KCNG3: variants seen among roughly 807,000 people sequenced by gnomAD.
The protein encoded by KCNG3 is voltage-gated potassium channel regulatory subunit KCNG3.
In KCNG3, 15 loss-of-function variants were observed where a neutral mutation model predicts 29.0. The ratio of observed to expected loss-of-function variants is 0.52; its 90% confidence interval spans 0.35 to 0.80. The LOEUF is 0.80. KCNG3 is among the 30% of genes least tolerant of loss of function. The pLI is 0.01. For missense variants in KCNG3, 512 were observed against 605.7 expected (o/e 0.85, Z 1.62); for synonymous variants, 322 against 248.9 (o/e 1.29, Z -2.76).
In KCNG3 at chr2:42,493,077, G is replaced by A. The variant is rs777535991; in HGVS notation, c.425C>T (p.Pro142Leu). 2 of 1,552,524 alleles carry A rather than the reference G, an allele frequency of 1.3e-6. No individual in the cohort carries two copies. The highest frequency in any genetic ancestry group is 1.7e-6 in the Non-Finnish European group (2 of 1,153,638). Residue 142 changes from proline (P) to leucine (L), a missense_variant, in exon 1 of 2, where the codon CCC becomes CTC. Around this residue, in one of 5 missense-constraint regions of KCNG3, gnomAD observed 228 missense variants for 200.0 expected, o/e 1.14. Coordinates refer to ENST00000306078, the MANE Select transcript of KCNG3 (RefSeq NM_133329.6). Reference protein sequence around the residue: ...PGVLGRDEARPGGAEAAPSRR... With the variant: ...PGVLGRDEARLGGAEAAPSRR... ...GGAGGGAGCCGCCTCGGCCCCGCCG[G>A]GGCGCGCCTCGTCGCGGCCCAGCAC...
chr2:42,420,461 T>C, the KCNG3 span, among the ~76,000 whole-genome samples: 1 of 152,140 alleles, frequency 6.6e-6, no homozygotes, highest in African/African-American at 2.4e-5. Flanking sequence ...CTAGTCATCA[T>C]TGCCCTTCCT....
intron 1 of KCNG3, among the ~76,000 whole-genome samples, chr2:42,449,733 G>C (rs1046021952): frequency 2.0e-5 from 3 of 152,094 alleles, no homozygotes; most frequent in Non-Finnish European, 4.4e-5. Context: ...TTAAAGGCAT[G>C]AGCCACCGCA....
chr2:42,450,333 G>C (rs1230489093), intron 1 of KCNG3, among the ~76,000 whole-genome samples: 2 of 152,096 alleles, frequency 1.3e-5, no homozygotes, highest in Non-Finnish European at 2.9e-5. Flanking sequence ...GAAACCCCAG[G>C]CATCATTTTC....
the KCNG3 span, among the ~76,000 whole-genome samples, chr2:42,416,379 G>C: frequency 6.6e-6 from 1 of 152,118 alleles, no homozygotes; most frequent in African/African-American, 2.4e-5. Context: ...TTGGGAGGCT[G>C]GGCAGGAAGA....
chr2:42,474,087 G>A (rs559234717), intron 1 of KCNG3, among the ~76,000 whole-genome samples: 11 of 151,906 alleles, frequency 7.2e-5, no homozygotes, highest in African/African-American at 2.7e-4. Flanking sequence ...AGGAGGCAGA[G>A]GTTGCAGTGA....
chr2:42,450,686 ACAT>A (rs1452367898), intron 1 of KCNG3, among the ~76,000 whole-genome samples: 5 of 152,236 alleles, frequency 3.3e-5, no homozygotes, highest in African/African-American at 1.2e-4. Context: ...CAATTTACAG[ACAT>A]CATCTCGTCT....
intron 1 of KCNG3, among the ~76,000 whole-genome samples, chr2:42,466,637 C>T (rs1340945302): frequency 6.6e-6 from 1 of 151,778 alleles, no homozygotes; most frequent in East Asian, 1.9e-4. Flanking sequence ...CATCTCCGGT[C>T]GTTATGCGAC....
chr2:42,419,574 T>A, the KCNG3 span, among the ~76,000 whole-genome samples: 1 of 152,066 alleles, frequency 6.6e-6, no homozygotes, highest in Admixed American at 6.6e-5. Flanking sequence ...TTTCTTAATA[T>A]CCTTGCAAAA....
the KCNG3 span, among the ~76,000 whole-genome samples, chr2:42,423,530 T>C: frequency 6.6e-6 from 1 of 152,218 alleles, no homozygotes; most frequent in East Asian, 1.9e-4. Context: ...CACTTTCTCT[T>C]GCTTTGGTAC....
intron 1 of KCNG3, among the ~76,000 whole-genome samples, chr2:42,476,117 A>G (rs765732624): frequency 2.3e-4 from 35 of 152,182 alleles, no homozygotes; most frequent in Non-Finnish European, 4.7e-4. Flanking sequence ...AACTTTTTAA[A>G]TAAAGTAAGT....
chr2:42,473,185 C>T (rs773704545), intron 1 of KCNG3, among the ~76,000 whole-genome samples: 10 of 151,912 alleles, frequency 6.6e-5, no homozygotes, highest in South Asian at 2.1e-4. Flanking sequence ...TGTGAGCCAC[C>T]GCGTCCGGCC....
At chr2:42,474,594 A>G (rs914189866) in intron 1 of KCNG3, among the ~76,000 whole-genome samples, 1 of 152,200 alleles carries the variant, frequency 6.6e-6, no homozygotes, top group Non-Finnish European at 1.5e-5. Flanking sequence ...TATACCTACC[A>G]ACTCTCATTT....
chr2:42,484,044 A>G (rs1019868732), intron 1 of KCNG3, among the ~76,000 whole-genome samples: 1 of 152,168 alleles, frequency 6.6e-6, no homozygotes, highest in Non-Finnish European at 1.5e-5. Context: ...CAGGCCTCCT[A>G]AAGTGCTAGG....
intron 1 of KCNG3, among the ~76,000 whole-genome samples, chr2:42,471,177 T>TGTGTGTGC (rs1326241282): frequency 3.3e-5 from 5 of 150,984 alleles, no homozygotes; most frequent in Admixed American, 6.6e-5. Flanking sequence ...TGTGTGTGTG[T>TGTGTGTGC]GTGTGTGTAT....
intron 1 of KCNG3, among the ~76,000 whole-genome samples, chr2:42,448,377 T>TTATC (rs1377455568): frequency 2.7e-5 from 4 of 149,816 alleles, no homozygotes; most frequent in African/African-American, 1.0e-4. Context: ...ATTTATTTAT[T>TTATC]TATTTATTTT....
chr2:42,409,600 A>G, the KCNG3 span, among the ~76,000 whole-genome samples: 8 of 141,034 alleles, frequency 5.7e-5, no homozygotes, highest in Admixed American at 6.2e-4. Flanking sequence ...GCTACTCGGG[A>G]GGCTGAGGTG....
At chr2:42,433,278 G>T in the KCNG3 span, among the ~76,000 whole-genome samples, 1 of 152,202 alleles carries the variant, frequency 6.6e-6, no homozygotes, top group Non-Finnish European at 1.5e-5. Context: ...CATTCAACAA[G>T]TATGATGGTT....
chr2:42,430,439 A>C, the KCNG3 span, among the ~76,000 whole-genome samples: 2,339 of 152,074 alleles, frequency 0.015, 56 homozygotes, highest in African/African-American at 0.053. Flanking sequence ...TCAGAGGTTT[A>C]TTTTCAAAAT....
the KCNG3 span, among the ~76,000 whole-genome samples, chr2:42,401,444 C>T: frequency 1.3e-5 from 2 of 150,532 alleles, no homozygotes; most frequent in Non-Finnish European, 1.5e-5. Flanking sequence ...AATATATATA[C>T]ATATATGTAT....
Sources: allele counts gnomAD v4.1 joint callset (sites outside exome capture counted in the v4.1 genomes callset), GRCh38; gene constraint gnomAD v4.1.1; regional missense constraint gnomAD v4.1.1; transcripts MANE v1.5; gene names NCBI Gene and HGNC (gene_info 2026-07-23, HGNC 2026-07-21).